The following CCL28 variants were observed in gnomAD, a reference collection of about 807,000 sequenced individuals.
The protein encoded by CCL28 is C-C motif chemokine ligand 28.
In CCL28, 4 loss-of-function variants were observed where a neutral mutation model predicts 7.1. The ratio of observed to expected loss-of-function variants is 0.56; its 90% CI spans 0.28 to 1.29. The LOEUF is 1.29. CCL28 is among the 50% of genes most tolerant of loss of function. The probability of loss-of-function intolerance (pLI) is 0.11; values close to 1 mark genes in which losing one functional copy is unlikely to be tolerated. For synonymous variants in CCL28, 55 were observed against 57.8 expected (o/e 0.95, Z 0.22); for missense variants, 151 against 163.4 (o/e 0.92, Z 0.41).
At chr5:43,358,154 T>A in the CCL28 span, among the ~76,000 whole-genome samples, 1 of 152,234 alleles carries the variant, frequency 6.6e-6, no homozygotes, top group Non-Finnish European at 1.5e-5. Flanking sequence ...ACAGCGTGGC[T>A]GAGGCAAAGC....
chr5:43,388,451 A>G lies in CCL28; in HGVS notation c.90T>C (p.Cys30=), dbSNP rs764675592. Residue 30 remains cysteine, a synonymous_variant, in exon 2 of 3, where the codon TGT becomes TGC. Transcript: ENST00000361115. ...SEAILPIASS[C]CTEVSHHISR... ...AAATATGATGTGAAACCTCCGTGCAACAGCTGGAGGCAATGGGAAGTATGG... is the reference window on the plus strand; with the variant it reads ...AAATATGATGTGAAACCTCCGTGCAGCAGCTGGAGGCAATGGGAAGTATGG... 3 of 1,614,070 alleles carry G rather than the reference A, an allele frequency of 1.9e-6. No homozygotes were observed. Among genetic ancestry groups the G allele is most frequent in the Non-Finnish European group, 1.7e-6 (2 of 1,179,980 alleles).
downstream of CCL28, among the ~76,000 whole-genome samples, chr5:43,372,753 G>C (rs573604958): frequency 6.6e-6 from 1 of 151,812 alleles, no homozygotes; most frequent in East Asian, 1.9e-4. Context: ...TCCAGTTTGG[G>C]GGCTGCTATG....
intron 2 of CCL28, among the ~76,000 whole-genome samples, chr5:43,386,787 T>C (rs576140061): frequency 2.6e-5 from 4 of 152,256 alleles, no homozygotes; most frequent in South Asian, 2.1e-4. Flanking sequence ...AATTGAATAA[T>C]GGATAAATCC....
chr5:43,386,912 C>T (rs1381474432), intron 2 of CCL28, among the ~76,000 whole-genome samples: 2 of 152,142 alleles, frequency 1.3e-5, no homozygotes, highest in African/African-American at 4.8e-5. Context: ...CAGACAGAAC[C>T]CATTTTGTCA....
intron 1 of CCL28, among the ~76,000 whole-genome samples, chr5:43,408,825 T>C (rs1364583419): frequency 6.6e-6 from 1 of 152,072 alleles, no homozygotes; most frequent in Non-Finnish European, 1.5e-5. Context: ...GTAACTTTCA[T>C]AATATTAGGA....
At chr5:43,399,399 A>G (rs1736126682) in intron 1 of CCL28, among the ~76,000 whole-genome samples, 1 of 152,084 alleles carries the variant, frequency 6.6e-6, no homozygotes, top group African/African-American at 2.4e-5. Flanking sequence ...GTCCCACAGT[A>G]CCTTGTGCTT....
chr5:43,393,908 G>T (rs1236313108), intron 1 of CCL28, among the ~76,000 whole-genome samples: 1 of 152,204 alleles, frequency 6.6e-6, no homozygotes, highest in South Asian at 2.1e-4. Flanking sequence ...TTTTGAGGAG[G>T]TGAGAAGTTA....
intron 1 of CCL28, among the ~76,000 whole-genome samples, chr5:43,404,026 C>T (rs1441930017): frequency 2.6e-5 from 4 of 151,946 alleles, no homozygotes; most frequent in Middle Eastern, 3.4e-3. Context: ...ACCAAATCTA[C>T]GTCTGATTGG....
downstream of CCL28, among the ~76,000 whole-genome samples, chr5:43,376,227 T>C (rs1228363632): frequency 6.6e-6 from 1 of 152,190 alleles, no homozygotes; most frequent in Admixed American, 6.5e-5. Context: ...TCCGACTACA[T>C]TGGTTTTCAA....
intron 1 of CCL28, among the ~76,000 whole-genome samples, chr5:43,388,957 A>G (rs948004309): frequency 6.6e-5 from 10 of 152,182 alleles, no homozygotes; most frequent in African/African-American, 2.4e-4. Flanking sequence ...ACACAGCAAA[A>G]TAAGTGTTAA....
At chr5:43,371,386 C>G in the CCL28 span, among the ~76,000 whole-genome samples, 1 of 152,192 alleles carries the variant, frequency 6.6e-6, no homozygotes, top group Non-Finnish European at 1.5e-5. Flanking sequence ...ATTGTGTAGT[C>G]CCCACCCACA....
chr5:43,409,830 A>G (rs201497453), intron 1 of CCL28, among the ~76,000 whole-genome samples: 1 of 152,168 alleles, frequency 6.6e-6, no homozygotes, highest in Non-Finnish European at 1.5e-5. Flanking sequence ...AATCAGGCTC[A>G]GGGCCACCGA....
intron 1 of CCL28, among the ~76,000 whole-genome samples, chr5:43,409,642 G>T (rs528986351): frequency 1.3e-5 from 2 of 152,236 alleles, no homozygotes; most frequent in African/African-American, 4.8e-5. Context: ...TCTCTAGCAA[G>T]TATTGGTGTG....
intron 1 of CCL28, among the ~76,000 whole-genome samples, chr5:43,410,326 C>T (rs1279657296): frequency 1.3e-5 from 2 of 152,218 alleles, no homozygotes; most frequent in African/African-American, 2.4e-5. Context: ...CCCCTCTATT[C>T]CACGACTGTT....
At chr5:43,371,281 G>A in the CCL28 span, among the ~76,000 whole-genome samples, 3 of 152,032 alleles carry the variant, frequency 2.0e-5, no homozygotes, top group East Asian at 1.9e-4. Flanking sequence ...TAGTTTCACC[G>A]GTTTTTGTAC....
intron 2 of CCL28, among the ~76,000 whole-genome samples, chr5:43,384,448 T>A (rs1004997301): frequency 1.1e-4 from 16 of 152,232 alleles, no homozygotes; most frequent in Non-Finnish European, 2.2e-4. Flanking sequence ...TTCTTAAATC[T>A]CTACTTGGAT....
At chr5:43,403,100 C>A (rs1207950676) in intron 1 of CCL28, among the ~76,000 whole-genome samples, 2 of 152,200 alleles carry the variant, frequency 1.3e-5, no homozygotes, top group African/African-American at 2.4e-5. Context: ...CATAGTTGAA[C>A]AAAAGGCAGC....
chr5:43,398,638 C>CAGAA, intron 1 of CCL28, among the ~76,000 whole-genome samples: 1 of 152,146 alleles, frequency 6.6e-6, no homozygotes, highest in East Asian at 1.9e-4. Context: ...ATCACGAGGT[C>CAGAA]AGAAGTTCAA....
downstream of CCL28, among the ~76,000 whole-genome samples, chr5:43,375,996 T>C (rs2111650500): frequency 6.6e-6 from 1 of 152,130 alleles, no homozygotes; most frequent in South Asian, 2.1e-4. Flanking sequence ...GATTGTGCCA[T>C]TGCACTCCAG....
Sources: gnomAD v4.1 joint callset for allele counts (sites outside exome capture counted in the v4.1 genomes callset) on GRCh38, gnomAD v4.1.1 for gene constraint, MANE v1.5 for transcripts, NCBI Gene and HGNC (gene_info 2026-07-23, HGNC 2026-07-21) for gene names.